Variants in EFCAB5 observed in about 807,000 individuals in gnomAD.
The protein encoded by EFCAB5 is EF-hand calcium binding domain 5.
In EFCAB5, 131 loss-of-function variants were observed where a neutral mutation model predicts 167.9. The observed-to-expected ratio is 0.78, with a 90% CI of 0.68 to 0.90. The LOEUF (loss-of-function observed/expected upper bound fraction) is 0.90. Ranked by LOEUF, EFCAB5 falls within the 40% of genes least tolerant of loss-of-function variation. The pLI, the probability that EFCAB5 is intolerant of heterozygous loss-of-function variation, is 0.00. For synonymous variants in EFCAB5, 574 were observed against 602.8 expected (o/e 0.95, Z 0.70); for missense variants, 1,663 against 1,745.2 (o/e 0.95, Z 0.84).
chr17:30,073,895 TAAAA>T, intron 14 of EFCAB5: 1 of 308,120 alleles, frequency 3.2e-6, no homozygotes, highest in Non-Finnish European at 6.0e-6. Flanking sequence ...AACCATCTCT[TAAAA>T]AAAATAAATA....
Position 29,969,359 on chromosome 17 carries a change from C to G in EFCAB5, c.759C>G (p.Ile253Met). Residue 253 changes from isoleucine to methionine, a missense_variant, in exon 4 of 23, where the codon ATC becomes ATG. Ile to Met is a conservative substitution (Grantham distance 10). Transcript: ENST00000394835. ...EDLKIYVPDT[I>M]CNRVSKMKEN... The stretch of plus-strand genomic sequence containing the variant: ...TGAAGATATATGTTCCTGACACTAT[C>G]TGCAACAGGTACAATCTGTTATAGT... 1.3e-6 allele frequency: 2 copies of G among 1,584,306 alleles called. No homozygotes were observed. The highest frequency in any genetic ancestry group is 1.7e-6 in the Non-Finnish European group (2 of 1,167,554).
rs61018208 is a variant in EFCAB5 at position 29,988,710 on chromosome 17, A to G, written c.768-4455A>G. On this transcript the variant is annotated intron_variant, in intron 4 of 22. Coordinates refer to ENST00000394835, the MANE Select transcript of EFCAB5 (RefSeq NM_198529.4). Reference sequence around the variant, plus strand: ...TATTTGTGCCTTTGTGAGAGTGACAATAATTTTTCCAGGATCATATCCATG... The same window carrying G: ...TATTTGTGCCTTTGTGAGAGTGACAGTAATTTTTCCAGGATCATATCCATG... 3.1e-3 allele frequency among the ~76,000 whole-genome samples: 466 copies of G among 152,348 alleles called. 5 individuals are homozygous for G. The highest frequency in any genetic ancestry group is 9.9e-3 in the African/African-American group (410 of 41,580).
rs993498301 is a variant in EFCAB5 at position 30,079,661 on chromosome 17, C to T, written c.3028-411C>T. On this transcript the variant is annotated intron_variant, in intron 15 of 22. Coordinates refer to ENST00000394835, the MANE Select transcript of EFCAB5 (RefSeq NM_198529.4). ...TTTTTTTTCACTTTCACATCACAGT[C>T]GACGGTCAAGAAATATGAGTGAAGT... is the stretch of plus-strand genomic sequence containing the variant. Among the ~76,000 whole-genome samples, 4 of 152,106 alleles carry T rather than the reference C, an allele frequency of 2.6e-5. No individual in the cohort carries two copies. The East Asian group carries it at 7.7e-4, about 29-fold the overall frequency.
At chr17:30,060,225 T>TA (rs910611544) in intron 14 of EFCAB5, among the ~76,000 whole-genome samples, 20 of 141,274 alleles carry the variant, frequency 1.4e-4, no homozygotes, top group Non-Finnish European at 2.1e-4. Flanking sequence ...ACAAAAAAAA[T>TA]AAAAAAAAAT....
In EFCAB5 at chr17:29,942,292, A is replaced by G; in HGVS notation, c.95A>G (p.Glu32Gly). The G allele has an allele frequency of 1.9e-6, 3 of 1,589,016 alleles. No individual in the cohort carries two copies. The East Asian group carries it at 6.8e-5, about 36-fold the overall frequency. The change falls in exon 2 of 23, where the codon GAG (glutamate) becomes GGG (glycine). Residue 32 changes from glutamate (E) to glycine (G), a missense_variant. Coordinates refer to ENST00000394835, the MANE Select transcript of EFCAB5 (RefSeq NM_198529.4). ...AAATGGAACTTAACTGAAGTGAAAGAGCTTCATGAGGTAGAGTTGGCATGA... is the reference window on the plus strand; with the variant it reads ...AAATGGAACTTAACTGAAGTGAAAGGGCTTCATGAGGTAGAGTTGGCATGA... ...ERKWNLTEVK[E>G]LHETLQSVPD...
chr17:30,069,083 A>G, intron 14 of EFCAB5: 1 of 1,444,980 alleles, frequency 6.9e-7, no homozygotes, highest in Non-Finnish European at 9.7e-7. Context: ...TACTCAGAAC[A>G]AAGAGCCATC....
intron 22 of EFCAB5, among the ~76,000 whole-genome samples, chr17:30,105,445 C>A (rs2071437221): frequency 6.6e-6 from 1 of 152,118 alleles, no homozygotes; most frequent in Non-Finnish European, 1.5e-5. Context: ...CCACAAGGTG[C>A]CACTGCACTC....
At chr17:30,055,099 A>G (rs1191391034) in intron 10 of EFCAB5, among the ~76,000 whole-genome samples, 2 of 151,882 alleles carry the variant, frequency 1.3e-5, no homozygotes, top group African/African-American at 4.8e-5. Flanking sequence ...GGAGTTCAAA[A>G]CCAGCCTGAG....
chr17:30,054,171 A>G (rs766818057), intron 10 of EFCAB5, 23 bp downstream of exon 10: 1 of 1,495,780 alleles, frequency 6.7e-7, no homozygotes. Context: ...TTCTTCTACA[A>G]CATCAGTTCC....
chr17:30,084,688 G>A (rs1348546161), intron 18 of EFCAB5, among the ~76,000 whole-genome samples: 3 of 152,118 alleles, frequency 2.0e-5, no homozygotes, highest in African/African-American at 7.2e-5. Flanking sequence ...CCCTTCTGCA[G>A]CCCCTCCAGA....
intron 7 of EFCAB5, among the ~76,000 whole-genome samples, chr17:30,015,772 T>C (rs1567715959): frequency 6.6e-6 from 1 of 150,988 alleles, no homozygotes; most frequent in Non-Finnish European, 1.5e-5. Context: ...TTTTTTTTTT[T>C]TTTTCTTTTG....
At chr17:30,001,430 G>T (rs961275469) in intron 7 of EFCAB5, among the ~76,000 whole-genome samples, 1 of 152,102 alleles carries the variant, frequency 6.6e-6, no homozygotes, top group South Asian at 2.1e-4. Context: ...TTGCCTATTT[G>T]TCTTATATTA....
At chr17:30,000,865 T>G (rs891260924) in intron 7 of EFCAB5, among the ~76,000 whole-genome samples, 3 of 152,160 alleles carry the variant, frequency 2.0e-5, no homozygotes, top group African/African-American at 7.2e-5. Flanking sequence ...TGTTTATATC[T>G]CCCCTGTGAT....
At chr17:29,953,196 A>G (rs1356012240) in intron 3 of EFCAB5, among the ~76,000 whole-genome samples, 1 of 152,248 alleles carries the variant, frequency 6.6e-6, no homozygotes, top group Non-Finnish European at 1.5e-5. Context: ...CTCAGGATAC[A>G]AAATCAACGT....
intron 3 of EFCAB5, chr17:29,968,322 C>T (rs549031966): frequency 6.6e-6 from 3 of 454,052 alleles, no homozygotes; most frequent in East Asian, 7.1e-5. Flanking sequence ...TTCCCTTTAC[C>T]AGCGATTGGT....
At chr17:30,099,030 T>C (rs897361121) in intron 22 of EFCAB5, among the ~76,000 whole-genome samples, 6 of 152,230 alleles carry the variant, frequency 3.9e-5, no homozygotes, top group Non-Finnish European at 5.9e-5. Flanking sequence ...ATAGACAACA[T>C]TCTGTTTATT....
intron 17 of EFCAB5, among the ~76,000 whole-genome samples, chr17:30,082,248 G>T (rs1231682937): frequency 6.6e-6 from 1 of 152,110 alleles, no homozygotes; most frequent in African/African-American, 2.4e-5. Flanking sequence ...ATTGGCATTC[G>T]TTCTTGGCTT....
At chr17:30,070,949 CAAAAAAAAAA>C (rs35019863) in intron 14 of EFCAB5, among the ~76,000 whole-genome samples, 57 of 60,190 alleles carry the variant, frequency 9.5e-4, no homozygotes, top group Middle Eastern at 0.018. Context: ...GATTCCATCT[CAAAAAAAAAA>C]AAAAAAAAAA....
At chr17:30,020,796 C>T (rs2069159907) in intron 7 of EFCAB5, among the ~76,000 whole-genome samples, 1 of 152,168 alleles carries the variant, frequency 6.6e-6, no homozygotes, top group Admixed American at 6.5e-5. Context: ...ACAGCAGGCT[C>T]AAGCCTGACC....
Sources: gnomAD v4.1 joint callset for allele counts (sites outside exome capture counted in the v4.1 genomes callset) on GRCh38, gnomAD v4.1.1 for gene constraint, MANE v1.5 for transcripts, NCBI Gene and HGNC (gene_info 2026-07-23, HGNC 2026-07-21) for gene names.